Variants in DDX43 observed in about 807,000 individuals in gnomAD.
DDX43 encodes DEAD-box helicase 43, also known as probable ATP-dependent RNA helicase DDX43.
In DDX43, 50 loss-of-function variants were observed where a neutral mutation model predicts 84.9. The ratio of observed to expected loss-of-function variants is 0.59; its 90% CI spans 0.47 to 0.75. DDX43 has a LOEUF of 0.75. DDX43 is among the 30% of genes least tolerant of loss of function. The pLI is 0.00. For synonymous variants in DDX43, 291 were observed against 266.3 expected, an observed-to-expected ratio of 1.09 and a Z score of -0.90; for missense variants, 689 against 798.6, an observed-to-expected ratio of 0.86 and a Z score of 1.65.
Position 73,407,972 on chromosome 6 carries a change from TG to T in DDX43, c.1052del (p.Gly351ValfsTer9). On this transcript the variant is annotated frameshift_variant, in exon 9 of 17. Transcript: ENST00000370336. LOFTEE classifies it high-confidence loss of function. ...YKGLRSVCVY[G>X]GGNRDEQIEE... ...TTTTCTTTTTAAGTGTTTGTGTATA[TG>T]GTGGTGGAAATAGAGATGAACAAAT... 1 of 1,613,280 alleles carries T rather than the reference TG, an allele frequency of 6.2e-7. No homozygotes were observed. The highest frequency in any genetic ancestry group is 8.5e-7 in the Non-Finnish European group (1 of 1,179,360).
intron 16 of DDX43, among the ~76,000 whole-genome samples, chr6:73,416,707 A>T (rs1769910543): frequency 6.6e-6 from 1 of 152,186 alleles, no homozygotes; most frequent in South Asian, 2.1e-4. Flanking sequence ...GAAAGTGGGT[A>T]GGGGGAATTG....
chr6:73,405,778 T>C lies in DDX43; in HGVS notation c.750T>C (p.Tyr250=). The change falls in exon 6 of 17, where the codon TAT becomes TAC. Residue 250 remains tyrosine, a synonymous_variant. Transcript: ENST00000370336. ...TCTFDDAFQC[Y]PEVMENIKKA... is the part of the protein sequence containing the mutation. ...CATTTGATGACGCCTTTCAATGTTA[T>C]CCTGAGGTTATGGAAAACATTAAAA... The C allele has an allele frequency of 1.9e-6, 3 of 1,614,140 alleles. No homozygotes were observed. The highest frequency in any genetic ancestry group is 2.5e-6 in the Non-Finnish European group (3 of 1,180,002).
In DDX43 at chr6:73,404,776, G is replaced by A. The variant is rs745676418; in HGVS notation, c.650+5G>A. ...AGTAGAAGCAGATAGTTGGAGGTGGGTAGTTTCATTACCTAGTTGTGTAAG... is the reference window on the plus strand; with the variant it reads ...AGTAGAAGCAGATAGTTGGAGGTGGATAGTTTCATTACCTAGTTGTGTAAG... On this transcript the variant is annotated splice_donor_5th_base_variant and intron_variant, in intron 5 of 16. Coordinates refer to ENST00000370336, the MANE Select transcript of DDX43 (RefSeq NM_018665.3). The A allele has an allele frequency of 1.1e-5, 17 of 1,607,272 alleles. No individual in the cohort carries two copies. Among genetic ancestry groups the A allele is most frequent in the South Asian group, 3.3e-5 (3 of 90,384 alleles).
chr6:73,399,673 A>G (rs1434742871), intron 2 of DDX43, among the ~76,000 whole-genome samples: 3 of 152,220 alleles, frequency 2.0e-5, no homozygotes, highest in Admixed American at 6.5e-5. Context: ...ATTTGAAATT[A>G]TGGATGTTGA....
chr6:73,405,761 G>A lies in DDX43; in HGVS notation c.733G>A (p.Asp245Asn), dbSNP rs1245626846. 1.2e-6 allele frequency: 2 copies of A among 1,614,106 alleles called. No homozygotes were observed. The highest frequency in any genetic ancestry group is 1.7e-6 in the Non-Finnish European group (2 of 1,179,986). The change falls in exon 6 of 17, where the codon GAC becomes AAC. Residue 245 changes from aspartate (D) to asparagine (N), a missense_variant. Coordinates refer to ENST00000370336, the MANE Select transcript of DDX43 (RefSeq NM_018665.3). ...PIPNPTCTFD[D>N]AFQCYPEVME... ...CCCCAATCCTACCTGCACATTTGAT[G>A]ACGCCTTTCAATGTTATCCTGAGGT...
chr6:73,412,802 C>G (rs569951629), intron 11 of DDX43, among the ~76,000 whole-genome samples: 16 of 152,194 alleles, frequency 1.1e-4, no homozygotes, highest in African/African-American at 3.9e-4. Flanking sequence ...GTGATCTCAG[C>G]TCACTGCAAC....
At chr6:73,410,759 A>G (rs1769768307) in intron 10 of DDX43, among the ~76,000 whole-genome samples, 1 of 151,960 alleles carries the variant, frequency 6.6e-6, no homozygotes, top group Admixed American at 6.6e-5. Flanking sequence ...CACCCAGCTC[A>G]TTTTTGTATT....
At position 73,410,397 on chromosome 6, in the gene DDX43, C is replaced by A. The variant is rs565227884; in HGVS notation, c.1280+1049C>A. On this transcript the variant is annotated intron_variant, in intron 10 of 16. Transcript: ENST00000370336. ...CAGGCTGGTCTCAAACTCCTGACCTCAGGTGATTCATCTGTCTAGGCCTCC... is the reference window on the plus strand; with the variant it reads ...CAGGCTGGTCTCAAACTCCTGACCTAAGGTGATTCATCTGTCTAGGCCTCC... Among the ~76,000 whole-genome samples the A allele has an allele frequency of 7.9e-5, 12 of 152,272 alleles. No homozygotes were observed. In the South Asian group the frequency reaches 2.5e-3, roughly 32 times the overall value.
At chr6:73,404,650 G>A (rs1295267523) in intron 4 of DDX43, 40 bp from the exon 5 acceptor site, 1 of 1,460,502 alleles carries the variant, frequency 6.8e-7, no homozygotes, top group Non-Finnish European at 9.5e-7. Flanking sequence ...TCATGATGCT[G>A]TAAAATTTAT....
At chr6:73,399,740 CCT>C (rs1029239774) in intron 2 of DDX43, among the ~76,000 whole-genome samples, 5 of 152,016 alleles carry the variant, frequency 3.3e-5, no homozygotes, top group African/African-American at 1.2e-4. Context: ...AACGTAAGCC[CCT>C]GACAGTATAC....
At chr6:73,411,240 A>G (rs1368779082) in intron 10 of DDX43, among the ~76,000 whole-genome samples, 1 of 149,656 alleles carries the variant, frequency 6.7e-6, no homozygotes, top group African/African-American at 2.4e-5. Flanking sequence ...TGCTGACCCT[A>G]TGAAAAATTG....
chr6:73,407,633 C>A lies in DDX43; in HGVS notation c.1037+18C>A. 6.8e-7 allele frequency: 1 copy of A among 1,474,058 alleles called. No individual in the cohort carries two copies. Among genetic ancestry groups the A allele is most frequent in the Non-Finnish European group, 9.5e-7 (1 of 1,056,022 alleles). 91.3% of individuals were successfully genotyped at this position (1,474,058 alleles called of 1,614,324 possible). On this transcript the variant is annotated intron_variant, in intron 8 of 16. Transcript: ENST00000370336. ...CTTCGGAGGTAAGTAATTTTTTTTC[C>A]CATTCCTTCACCAGTATCATATTTT...
chr6:73,412,845 C>T lies in DDX43; in HGVS notation c.1368+553C>T, dbSNP rs1157214738. On this transcript the variant is annotated intron_variant, in intron 11 of 16. Transcript: ENST00000370336. ...TCCTGGGTTCAAGTGATTCTTGTGCCTCAGCCTCCTGAGTAGCTGGGGTTA... is the reference window on the plus strand; with the variant it reads ...TCCTGGGTTCAAGTGATTCTTGTGCTTCAGCCTCCTGAGTAGCTGGGGTTA... Among the ~76,000 whole-genome samples the T allele has an allele frequency of 1.3e-5, 2 of 152,050 alleles. 1 individual carries two copies. Among genetic ancestry groups the T allele is most frequent in the Admixed American group, 1.3e-4 (2 of 15,272 alleles).
At chr6:73,410,564 TA>T (rs1325639447) in intron 10 of DDX43, among the ~76,000 whole-genome samples, 4 of 152,178 alleles carry the variant, frequency 2.6e-5, no homozygotes, top group African/African-American at 7.2e-5. Flanking sequence ...TAAATGCAGA[TA>T]TTCTTTGATC....
At position 73,406,485 on chromosome 6, in the gene DDX43, A is replaced by G. The variant is rs1488732162; in HGVS notation, c.926+3A>G. On this transcript the variant is annotated splice_donor_region_variant and intron_variant, in intron 7 of 16. Coordinates refer to ENST00000370336, the MANE Select transcript of DDX43 (RefSeq NM_018665.3). ...ATTCATCTGGTCCTTCAACCCAGGT[A>G]AGAATTCCTATGGCTGGTTTCTTCT... The G allele has an allele frequency of 6.4e-7, 1 of 1,569,294 alleles. No homozygotes were observed. Among genetic ancestry groups the G allele is most frequent in the East Asian group, 2.2e-5 (1 of 44,584 alleles).
intron 4 of DDX43, among the ~76,000 whole-genome samples, chr6:73,402,692 G>C (rs528227776): frequency 4.5e-4 from 69 of 152,262 alleles, no homozygotes; most frequent in African/African-American, 1.3e-3. Flanking sequence ...TGATTGCTGT[G>C]CCTCAGCCTC....
chr6:73,412,658 TGTGTGTGTGTGC>T lies in DDX43; in HGVS notation c.1368+368_1368+379del, dbSNP rs1464966005. 8.6e-4 allele frequency among the ~76,000 whole-genome samples: 76 copies of T among 87,906 alleles called. 2 individuals carry two copies. Among genetic ancestry groups the T allele is most frequent in the East Asian group, 5.8e-3 (17 of 2,920 alleles). 57.7% of individuals were successfully genotyped at this position (87,906 alleles called of 152,430 possible). A position where few individuals can be genotyped will look rare whatever the true frequency, so the allele number is the denominator to read the frequency against. On this transcript the variant is annotated intron_variant, in intron 11 of 16. Transcript: ENST00000370336. ...TATATAGTGTGTGTGTGTGTGTGTG[TGTGTGTGTGTGC>T]GCGCGCGCGTGTGTGTGTGTGCGCG... is the stretch of plus-strand genomic sequence containing the variant.
At chr6:73,413,808 C>T in intron 12 of DDX43, 23 bp downstream of exon 12, 1 of 1,600,088 alleles carries the variant, frequency 6.2e-7, no homozygotes, top group South Asian at 1.1e-5. Flanking sequence ...TCTTGTGTGT[C>T]CATTATAATT....
chr6:73,413,387 ACT>A (rs1769841284), intron 11 of DDX43: 2 of 228,698 alleles, frequency 8.7e-6, no homozygotes, highest in Non-Finnish European at 1.7e-5. Flanking sequence ...ACAGAGTGAG[ACT>A]CTGTCTCAAA....
Sources: allele counts gnomAD v4.1 joint callset (sites outside exome capture counted in the v4.1 genomes callset), GRCh38; gene constraint gnomAD v4.1.1; transcripts MANE v1.5; gene names NCBI Gene and HGNC (gene_info 2026-07-23, HGNC 2026-07-21).